The following IL1R1 variants were observed in gnomAD, a reference collection of about 807,000 sequenced individuals.
The protein encoded by IL1R1 is interleukin-1 receptor type 1.
Under a neutral mutation model 50.2 loss-of-function variants are expected in IL1R1, and 22 were observed. The observed-to-expected ratio is 0.44, with a 90% CI of 0.31 to 0.63. The LOEUF is 0.63. Among genes scored for constraint, IL1R1 ranks in the 20% least tolerant of loss-of-function variants. The pLI is 0.07. For synonymous variants in IL1R1, 251 were observed against 236.7 expected (o/e 1.06, Z -0.55); for missense variants, 509 against 676.2 (o/e 0.75, Z 2.74).
chr2:102,096,521 T>A (rs1049159811), intron 1 of IL1R1, among the ~76,000 whole-genome samples: 2 of 152,196 alleles, frequency 1.3e-5, no homozygotes, highest in African/African-American at 4.8e-5. Flanking sequence ...TTCTATTCTG[T>A]AAAATGCCTG....
chr2:102,073,838 TA>T (rs537405672), intron 1 of IL1R1, among the ~76,000 whole-genome samples: 9 of 151,528 alleles, frequency 5.9e-5, no homozygotes, highest in East Asian at 5.8e-4. Context: ...CTTATGCAAT[TA>T]AAAAAAAATC....
In IL1R1 at chr2:102,177,713, G is replaced by A. The variant is rs1390369852; in HGVS notation, c.*954G>A. 2.0e-5 allele frequency: 3 copies of A among 152,334 alleles called. No individual in the cohort carries two copies. Among genetic ancestry groups the A allele is most frequent in the African/African-American group, 7.2e-5 (3 of 41,436 alleles). 9.4% of individuals were successfully genotyped at this position (152,334 alleles called of 1,614,324 possible). A position where few individuals can be genotyped will look rare whatever the true frequency, so the allele number is the denominator to read the frequency against. On this transcript the variant is annotated 3_prime_UTR_variant, in exon 12 of 12. Transcript: ENST00000410023. ...GAACTTAAAAAAGCAACAGTAGCAG[G>A]GAATTGATCCACTTCTTAATGCTTT... is the stretch of plus-strand genomic sequence containing the variant.
At chr2:102,153,383 C>T (rs1261239706) in intron 1 of IL1R1, among the ~76,000 whole-genome samples, 2 of 152,198 alleles carry the variant, frequency 1.3e-5, no homozygotes, top group African/African-American at 4.8e-5. Context: ...GTATTCTTCC[C>T]TCCCTCCCTG....
intron 1 of IL1R1, among the ~76,000 whole-genome samples, chr2:102,088,651 A>T (rs1285670365): frequency 6.6e-6 from 1 of 152,198 alleles, no homozygotes; most frequent in Non-Finnish European, 1.5e-5. Flanking sequence ...GAAGCTTCAA[A>T]ACCAGACGTT....
intron 1 of IL1R1, among the ~76,000 whole-genome samples, chr2:102,092,462 G>C (rs1679714681): frequency 6.6e-6 from 1 of 151,998 alleles, no homozygotes; most frequent in Non-Finnish European, 1.5e-5. Context: ...ATCCTCCCAG[G>C]AAGCAGAAGG....
chr2:102,145,853 A>C (rs1683072045), intron 1 of IL1R1, among the ~76,000 whole-genome samples: 1 of 152,202 alleles, frequency 6.6e-6, no homozygotes, highest in South Asian at 2.1e-4. Context: ...GGTATTTTCA[A>C]AGCCCCCCAG....
intron 1 of IL1R1, among the ~76,000 whole-genome samples, chr2:102,113,620 C>A (rs770914840): frequency 1.3e-5 from 2 of 152,138 alleles, no homozygotes; most frequent in Admixed American, 6.6e-5. Flanking sequence ...TCATTACTTG[C>A]GATTTTATTT....
At chr2:102,144,856 C>A (rs758025199) in intron 1 of IL1R1, among the ~76,000 whole-genome samples, 1 of 152,138 alleles carries the variant, frequency 6.6e-6, no homozygotes, top group African/African-American at 2.4e-5. Flanking sequence ...GGCTGCTATT[C>A]TCCAAGTTTG....
intron 1 of IL1R1, among the ~76,000 whole-genome samples, chr2:102,118,549 G>C (rs938184574): frequency 6.6e-6 from 1 of 152,118 alleles, no homozygotes; most frequent in Non-Finnish European, 1.5e-5. Context: ...ATCTGAAATG[G>C]GGGGCAGTCT....
chr2:102,151,397 G>A (rs540193014), intron 1 of IL1R1, among the ~76,000 whole-genome samples: 45 of 152,262 alleles, frequency 3.0e-4, no homozygotes, highest in African/African-American at 1.0e-3. Context: ...ATCCCCGTGT[G>A]TCTCATGCAA....
intron 1 of IL1R1, among the ~76,000 whole-genome samples, chr2:102,131,774 G>C (rs1223565527): frequency 6.6e-6 from 1 of 152,122 alleles, no homozygotes; most frequent in Admixed American, 6.5e-5. Flanking sequence ...GGAGTGACAG[G>C]AAAAATATTT....
intron 1 of IL1R1, among the ~76,000 whole-genome samples, chr2:102,088,733 C>A (rs1293004459): frequency 4.6e-5 from 7 of 152,196 alleles, no homozygotes; most frequent in African/African-American, 1.7e-4. Context: ...GTCTACATTG[C>A]AAATCTGTTG....
chr2:102,079,606 A>G (rs1272541684), intron 1 of IL1R1, among the ~76,000 whole-genome samples: 1 of 152,148 alleles, frequency 6.6e-6, no homozygotes, highest in East Asian at 1.9e-4. Flanking sequence ...CGCTCAATTA[A>G]TTGAAAGACA....
Position 102,152,824 on chromosome 2 carries a change from T to C in IL1R1, c.-83-1117T>C, listed in dbSNP as rs569077260. Among the ~76,000 whole-genome samples, 20 of 152,312 alleles carry C rather than the reference T, an allele frequency of 1.3e-4. No homozygotes were observed. The South Asian group carries it at 3.9e-3, about 30-fold the overall frequency. ...AACACACCTCTGATACCTTGTGTTA[T>C]GCTGTGTACTGCCTCAAAGTGAATA... On this transcript the variant is annotated intron_variant, in intron 1 of 11. Coordinates refer to ENST00000410023, the MANE Select transcript of IL1R1 (RefSeq NM_000877.4).
intron 1 of IL1R1, among the ~76,000 whole-genome samples, chr2:102,127,065 G>A (rs1373244260): frequency 6.6e-6 from 1 of 152,170 alleles, no homozygotes; most frequent in Non-Finnish European, 1.5e-5. Flanking sequence ...ATGGTTGACT[G>A]GTGATCCAGA....
chr2:102,097,639 A>T (rs1237474718), intron 1 of IL1R1, among the ~76,000 whole-genome samples: 1 of 152,124 alleles, frequency 6.6e-6, no homozygotes, highest in Non-Finnish European at 1.5e-5. Flanking sequence ...GAAATTTTAG[A>T]TAAAAAAACA....
intron 1 of IL1R1, among the ~76,000 whole-genome samples, chr2:102,077,658 G>T (rs961793746): frequency 2.0e-5 from 3 of 152,024 alleles, no homozygotes; most frequent in African/African-American, 7.3e-5. Flanking sequence ...ATATTTTCCT[G>T]CTTCTTTGCA....
chr2:102,157,491 A>C (rs1028889888), intron 2 of IL1R1, among the ~76,000 whole-genome samples: 1 of 152,124 alleles, frequency 6.6e-6, no homozygotes, highest in Non-Finnish European at 1.5e-5. Flanking sequence ...TAAGTTGTTG[A>C]GTTTGTTCTC....
upstream of IL1R1, among the ~76,000 whole-genome samples, chr2:102,139,626 C>G (rs1469076635): frequency 6.6e-6 from 1 of 152,124 alleles, no homozygotes; most frequent in African/African-American, 2.4e-5. Flanking sequence ...TTGGGCCATC[C>G]CCTTGGTGAT....
Sources: allele counts gnomAD v4.1 joint callset (sites outside exome capture counted in the v4.1 genomes callset), GRCh38; gene constraint gnomAD v4.1.1; transcripts MANE v1.5; gene names NCBI Gene and HGNC (gene_info 2026-07-23, HGNC 2026-07-21).